Variants in ERGIC1 observed in about 807,000 individuals in gnomAD.
ERGIC1 encodes the protein endoplasmic reticulum-Golgi intermediate compartment protein 1.
ERGIC1 carries 19 observed loss-of-function variants against 38.3 expected under a neutral mutation model. The ratio of observed to expected loss-of-function variants is 0.50; its 90% confidence interval spans 0.35 to 0.73. The LOEUF (loss-of-function observed/expected upper bound fraction) is 0.73, where lower values mean the gene tolerates loss of function less well. ERGIC1 is among the 30% of genes least tolerant of loss of function. ERGIC1 has a pLI of 0.01. For missense variants in ERGIC1, 294 were observed against 389.2 expected, an observed-to-expected ratio of 0.76 and a Z score of 2.06; for synonymous variants, 124 against 157.6, an observed-to-expected ratio of 0.79 and a Z score of 1.60.
chr5:172,899,198 A>G (rs548776591), intron 3 of ERGIC1, among the ~76,000 whole-genome samples: 8 of 152,212 alleles, frequency 5.3e-5, no homozygotes, highest in Admixed American at 2.0e-4. Context: ...GAAGGCAGGA[A>G]GAAGGCCAAT....
rs371300220 is a variant in ERGIC1 at position 172,844,489 on chromosome 5, C to T, written c.20+10056C>T. 5.0e-4 allele frequency among the ~76,000 whole-genome samples: 76 copies of T among 152,352 alleles called. 2 individuals are homozygous for T. Among genetic ancestry groups the T allele is most frequent in the East Asian group, 3.3e-3 (17 of 5,186 alleles). ...CGATAGCCTATGACAGGCAGGGTGC[C>T]GCCTCTGTGTCGCACATGGCAGTGT... On this transcript the variant is annotated intron_variant, in intron 1 of 9. Transcript: ENST00000393784.
chr5:172,929,474 A>G (rs1763728910), intron 7 of ERGIC1, among the ~76,000 whole-genome samples: 2 of 152,198 alleles, frequency 1.3e-5, no homozygotes, highest in Admixed American at 6.5e-5. Flanking sequence ...AGGAATCCAC[A>G]TGGGTGTAAT....
intron 1 of ERGIC1, among the ~76,000 whole-genome samples, chr5:172,848,764 G>A (rs532803737): frequency 6.6e-6 from 1 of 152,308 alleles, no homozygotes; most frequent in East Asian, 1.9e-4. Flanking sequence ...CCTGCAATGT[G>A]GCAGAGGGGT....
intron 2 of ERGIC1, among the ~76,000 whole-genome samples, chr5:172,894,607 C>CCTTGTCTGG (rs1762679348): frequency 6.6e-6 from 1 of 152,162 alleles, no homozygotes; most frequent in South Asian, 2.1e-4. Flanking sequence ...CACTCGGAGC[C>CCTTGTCTGG]TAAGTTCTTG....
chr5:172,927,492 T>G (rs1206629004), intron 7 of ERGIC1, among the ~76,000 whole-genome samples: 1 of 152,166 alleles, frequency 6.6e-6, no homozygotes, highest in Non-Finnish European at 1.5e-5. Flanking sequence ...CGTCTGCTTT[T>G]TGTACTTGAC....
At chr5:172,914,867 A>G (rs767727985) in intron 5 of ERGIC1, 29 bp downstream of exon 5, 10 of 1,613,706 alleles carry the variant, frequency 6.2e-6, no homozygotes, top group Admixed American at 3.3e-5. Flanking sequence ...AGCCCTTTCT[A>G]CCTGCTCCCC....
At chr5:172,858,985 G>A (rs1003413395) in intron 1 of ERGIC1, among the ~76,000 whole-genome samples, 2 of 152,220 alleles carry the variant, frequency 1.3e-5, no homozygotes, top group East Asian at 1.9e-4. Flanking sequence ...TGCTGAGGAC[G>A]TGATTTTGAG....
At chr5:172,862,839 C>T (rs542773338) in intron 1 of ERGIC1, among the ~76,000 whole-genome samples, 4 of 152,252 alleles carry the variant, frequency 2.6e-5, no homozygotes, top group Non-Finnish European at 5.9e-5. Context: ...AACAATTTAC[C>T]TTCTCTCTAA....
chr5:172,918,443 C>T (rs1483250557), intron 5 of ERGIC1: 1 of 152,228 alleles, frequency 6.6e-6, no homozygotes, highest in African/African-American at 2.4e-5. Context: ...GCGCCCCGCC[C>T]AGTCACTTCG....
chr5:172,911,399 GA>G (rs763925928), intron 4 of ERGIC1, among the ~76,000 whole-genome samples: 56 of 152,128 alleles, frequency 3.7e-4, no homozygotes, highest in Admixed American at 3.6e-3. Context: ...AGAGGACTGG[GA>G]CTAGTGTGGT....
chr5:172,859,125 C>T (rs1761631420), intron 1 of ERGIC1, among the ~76,000 whole-genome samples: 1 of 152,208 alleles, frequency 6.6e-6, no homozygotes, highest in African/African-American at 2.4e-5. Flanking sequence ...CCCCTTCCCT[C>T]CTCCTGGTGC....
intron 9 of ERGIC1, chr5:172,937,760 T>A (rs1378582347): frequency 1.3e-5 from 2 of 152,098 alleles, no homozygotes; most frequent in East Asian, 3.9e-4. Flanking sequence ...TTCCAGGACT[T>A]TGGGAGGCCG....
intron 5 of ERGIC1, among the ~76,000 whole-genome samples, chr5:172,921,947 A>C (rs1332487218): frequency 6.6e-6 from 1 of 152,140 alleles, no homozygotes; most frequent in African/African-American, 2.4e-5. Context: ...CCCTCAATTG[A>C]GCCGGGGGCC....
At chr5:172,946,743 T>G (rs1561747268) in intron 9 of ERGIC1, among the ~76,000 whole-genome samples, 2 of 152,334 alleles carry the variant, frequency 1.3e-5, no homozygotes, top group East Asian at 3.9e-4. Context: ...AACCCTCTCC[T>G]GTGACTCTAC....
intron 2 of ERGIC1, 109 bp downstream of exon 2, chr5:172,888,869 G>A (rs4868227): frequency 0.21 from 222,629 of 1,055,184 alleles, 25,138 homozygotes; most frequent in African/African-American, 0.32. Context: ...AGACAGGAGG[G>A]AGGAAAGAAA....
At chr5:172,893,888 T>TATATAC (rs1554110371) in intron 2 of ERGIC1, among the ~76,000 whole-genome samples, 2 of 18,604 alleles carry the variant, frequency 1.1e-4, no homozygotes, top group African/African-American at 2.5e-4. Context: ...TATATATATA[T>TATATAC]ATATATATAT....
At chr5:172,922,821 G>A (rs1000281562) in intron 5 of ERGIC1, among the ~76,000 whole-genome samples, 1 of 152,222 alleles carries the variant, frequency 6.6e-6, no homozygotes, top group Non-Finnish European at 1.5e-5. Flanking sequence ...CTGATGTAGG[G>A]TTTAAAAAGA....
intron 2 of ERGIC1, among the ~76,000 whole-genome samples, chr5:172,895,378 G>A (rs1402617190): frequency 2.0e-5 from 3 of 152,170 alleles, no homozygotes; most frequent in Non-Finnish European, 4.4e-5. Context: ...GGGCCATGCA[G>A]CAGGTGAGCA....
chr5:172,835,520 T>G lies in ERGIC1; in HGVS notation c.20+1087T>G, dbSNP rs78307149. The stretch of plus-strand genomic sequence containing the variant: ...GATTTAGAGCTCAGAAATAGGGCAT[T>G]AGTGGATGGGGGGTGTTCTCCAGGA... On this transcript the variant is annotated intron_variant, in intron 1 of 9. Coordinates refer to ENST00000393784, the MANE Select transcript of ERGIC1 (RefSeq NM_001031711.3). 7.6e-3 allele frequency among the ~76,000 whole-genome samples: 1,157 copies of G among 152,238 alleles called. 10 individuals carry two copies. The highest frequency in any genetic ancestry group is 0.026 in the African/African-American group (1,070 of 41,518).
Sources: allele counts gnomAD v4.1 joint callset (sites outside exome capture counted in the v4.1 genomes callset), GRCh38; gene constraint gnomAD v4.1.1; transcripts MANE v1.5; gene names NCBI Gene and HGNC (gene_info 2026-07-23, HGNC 2026-07-21).